PAIP1: variants seen among roughly 807,000 people sequenced by gnomAD.
PAIP1 encodes the protein polyadenylate-binding protein-interacting protein 1.
A neutral mutation model predicts 61.3 loss-of-function variants in PAIP1; 16 were observed. The ratio of observed to expected loss-of-function variants is 0.26; its 90% CI spans 0.18 to 0.40. PAIP1 has a LOEUF of 0.40. PAIP1 is among the 10% of genes least tolerant of loss of function. PAIP1 has a pLI of 1.00. For synonymous variants in PAIP1, 187 were observed against 226.2 expected (o/e 0.83, Z 1.56); for missense variants, 416 against 600.9 (o/e 0.69, Z 3.22).
chr5:43,539,783 C>T (rs1382701724), intron 4 of PAIP1, among the ~76,000 whole-genome samples: 1 of 152,196 alleles, frequency 6.6e-6, no homozygotes, highest in African/African-American at 2.4e-5. Context: ...CTAAACTAGG[C>T]ACAATAATCC....
chr5:43,557,086 C>T, upstream of PAIP1: 1 of 709,846 alleles, frequency 1.4e-6, no homozygotes, highest in East Asian at 3.6e-5. Flanking sequence ...CCAGTTCTCC[C>T]CCAAAACCCG....
At chr5:43,552,421 T>C (rs1747899902) in intron 2 of PAIP1, among the ~76,000 whole-genome samples, 1 of 152,214 alleles carries the variant, frequency 6.6e-6, no homozygotes, top group African/African-American at 2.4e-5. Flanking sequence ...AAGGAATAAT[T>C]AGATGTCAGG....
chr5:43,542,892 G>A (rs911565237), intron 4 of PAIP1, 112 bp downstream of exon 4: 5 of 583,544 alleles, frequency 8.6e-6, no homozygotes, highest in Non-Finnish European at 1.2e-5. Flanking sequence ...ATGCACATAA[G>A]AATAGGCTGC....
intron 1 of PAIP1, 141 bp from the exon 2 acceptor site, chr5:43,556,140 A>C (rs1320047452): frequency 2.1e-6 from 3 of 1,438,076 alleles, no homozygotes; most frequent in Non-Finnish European, 1.8e-6. Context: ...TTATCGCCGG[A>C]ATGTGTACAG....
At chr5:43,545,177 T>C (rs888770215) in intron 3 of PAIP1, among the ~76,000 whole-genome samples, 1 of 152,258 alleles carries the variant, frequency 6.6e-6, no homozygotes. Flanking sequence ...TTTCTTCTTA[T>C]GTCTTACAGC....
chr5:43,540,522 G>A (rs4367306), intron 4 of PAIP1, among the ~76,000 whole-genome samples: 59,148 of 152,082 alleles, frequency 0.39, 14,178 homozygotes, highest in East Asian at 0.78. Flanking sequence ...TAAAAGCAAT[G>A]TATGTTTATT....
intron 9 of PAIP1, among the ~76,000 whole-genome samples, chr5:43,533,443 T>A (rs940891946): frequency 6.6e-6 from 1 of 152,170 alleles, no homozygotes; most frequent in African/African-American, 2.4e-5. Flanking sequence ...AATTTAAGAT[T>A]ATAAAAAAGT....
At chr5:43,539,817 TA>T (rs1411713570) in intron 4 of PAIP1, among the ~76,000 whole-genome samples, 1 of 152,260 alleles carries the variant, frequency 6.6e-6, no homozygotes, top group Non-Finnish European at 1.5e-5. Context: ...ATAAGTGAAC[TA>T]CAGTGTCAGA....
At position 43,547,929 on chromosome 5, in the gene PAIP1, G is replaced by GA. The variant is rs1487654434; in HGVS notation, c.436-17dup. The GA allele has an allele frequency of 1.3e-6, 2 of 1,563,166 alleles. No homozygotes were observed. The highest frequency in any genetic ancestry group is 1.7e-6 in the Non-Finnish European group (2 of 1,146,252). ...CATAGGATTCCTACGGATCAAAAATGAAAAAACAATTTTAATCTATGCAAC... is the reference window on the plus strand; with the variant it reads ...CATAGGATTCCTACGGATCAAAAATGAAAAAAACAATTTTAATCTATGCAAC... On this transcript the variant is annotated splice_polypyrimidine_tract_variant and intron_variant, in intron 2 of 10. Transcript: ENST00000306846.
intron 7 of PAIP1, 152 bp from the exon 8 acceptor site, chr5:43,535,122 T>C (rs1747092231): frequency 1.7e-6 from 1 of 601,604 alleles, no homozygotes; most frequent in East Asian, 2.8e-5. Context: ...CATAAATTCA[T>C]TTAAAAAAAA....
chr5:43,543,254 T>G (rs544504224), intron 3 of PAIP1, 138 bp from the exon 4 acceptor site: 11 of 327,026 alleles, frequency 3.4e-5, no homozygotes, highest in Middle Eastern at 3.9e-4. Flanking sequence ...TTGTTAGGCT[T>G]AAGGAAATTA....
intron 6 of PAIP1, among the ~76,000 whole-genome samples, chr5:43,536,524 C>T (rs1297711024): frequency 6.6e-6 from 1 of 151,930 alleles, no homozygotes; most frequent in Non-Finnish European, 1.5e-5. Context: ...AACAAAAAGC[C>T]AGAACAGAGT....
chr5:43,555,790 G>C (rs765859747), intron 2 of PAIP1, 40 bp downstream of exon 2: 2 of 1,514,578 alleles, frequency 1.3e-6, no homozygotes, highest in Non-Finnish European at 1.8e-6. Context: ...CATTATTCCA[G>C]TAAATTAACC....
At position 43,557,034 on chromosome 5, in the gene PAIP1, G is replaced by A. The variant is rs1464836076; in HGVS notation, c.-188C>T. On this transcript the variant is annotated 5_prime_UTR_variant, in exon 1 of 11. Transcript: ENST00000306846. ...GGAGCGGACGGCAGCCCGAGCACCCGCCGCTCCAGAGCGCCCGCCCCGCTC... is the reference window on the plus strand; with the variant it reads ...GGAGCGGACGGCAGCCCGAGCACCCACCGCTCCAGAGCGCCCGCCCCGCTC... 2 of 1,061,652 alleles carry A rather than the reference G, an allele frequency of 1.9e-6. No homozygotes were observed. The highest frequency in any genetic ancestry group is 3.9e-5 in the South Asian group (1 of 25,940). The allele number at this position is 1,061,652 out of a possible 1,614,324, so 65.8% of individuals were successfully genotyped here.
intron 10 of PAIP1, 127 bp downstream of exon 10, chr5:43,529,659 T>A (rs1470201085): frequency 4.4e-6 from 3 of 682,748 alleles, no homozygotes; most frequent in Non-Finnish European, 8.0e-6. Context: ...CCCAAAGTGT[T>A]GGGATTACAG....
chr5:43,532,414 T>TATA (rs1345395466), intron 9 of PAIP1, among the ~76,000 whole-genome samples: 1 of 152,130 alleles, frequency 6.6e-6, no homozygotes, highest in African/African-American at 2.4e-5. Context: ...GGGGGCTTAT[T>TATA]ATAACTAGGA....
At chr5:43,528,942 CAA>C (rs1002945957) in intron 10 of PAIP1, among the ~76,000 whole-genome samples, 1 of 152,078 alleles carries the variant, frequency 6.6e-6, no homozygotes, top group African/African-American at 2.4e-5. Context: ...TCTTTAATTA[CAA>C]AGAGTGGCAG....
chr5:43,555,714 T>A, intron 2 of PAIP1, 116 bp downstream of exon 2: 1 of 738,458 alleles, frequency 1.4e-6, no homozygotes. Context: ...ACATTCACAA[T>A]AAAAAAATTT....
rs1561241525 is a variant in PAIP1 at position 43,556,994 on chromosome 5, C to T, written c.-148G>A. The T allele has an allele frequency of 2.5e-6, 3 of 1,219,930 alleles. No homozygotes were observed. The highest frequency in any genetic ancestry group is 2.1e-6 in the Non-Finnish European group (2 of 971,148). The allele number at this position is 1,219,930 out of a possible 1,614,324, so 75.6% of individuals were successfully genotyped here. On this transcript the variant is annotated 5_prime_UTR_variant, in exon 1 of 11. Coordinates refer to ENST00000306846, the MANE Select transcript of PAIP1 (RefSeq NM_006451.5). ...AGGGCGGCGGGCCCCGGCTCGGCTG[C>T]TCGGTGCTTCTGGCGGAGCGGACGG...
Sources: gnomAD v4.1 joint callset for allele counts (sites outside exome capture counted in the v4.1 genomes callset) on GRCh38, gnomAD v4.1.1 for gene constraint, MANE v1.5 for transcripts, NCBI Gene and HGNC (gene_info 2026-07-23, HGNC 2026-07-21) for gene names.